GC: variants seen among roughly 807,000 people sequenced by gnomAD.
GC encodes GC vitamin D binding protein.
In GC, 43 loss-of-function variants were observed where a neutral mutation model predicts 56.7. The observed-to-expected ratio is 0.76, with a 90% confidence interval of 0.59 to 0.98. The LOEUF is 0.98. GC is among the 50% of genes least tolerant of loss of function. The pLI, the probability that GC is intolerant of heterozygous loss-of-function variation, is 0.00. For synonymous variants in GC, 216 were observed against 202.7 expected (o/e 1.07, Z -0.56); for missense variants, 529 against 545.9 (o/e 0.97, Z 0.31).
intron 3 of GC, 81 bp downstream of exon 3, chr4:71,768,219 AT>A (rs1165432153): frequency 9.0e-6 from 11 of 1,216,438 alleles, no homozygotes; most frequent in South Asian, 1.8e-5. Context: ...GCTGTCTAAA[AT>A]TTTTTCAACA....
chr4:71,749,832 T>C (rs1016380019), intron 11 of GC, among the ~76,000 whole-genome samples: 1 of 152,188 alleles, frequency 6.6e-6, no homozygotes, highest in Non-Finnish European at 1.5e-5. Flanking sequence ...GAAAAGGCTT[T>C]TATTCTACCG....
intron 6 of GC, among the ~76,000 whole-genome samples, chr4:71,759,168 G>A (rs1741884484): frequency 6.6e-6 from 1 of 151,526 alleles, no homozygotes; most frequent in Non-Finnish European, 1.5e-5. Flanking sequence ...ATACCACATT[G>A]TCTTCATCCA....
upstream of GC, among the ~76,000 whole-genome samples, chr4:71,786,816 C>A (rs1742850114): frequency 6.6e-6 from 1 of 151,870 alleles, no homozygotes; most frequent in Non-Finnish European, 1.5e-5. Flanking sequence ...TCTTGCAGTA[C>A]TCCTGTAGAA....
intron 1 of GC, among the ~76,000 whole-genome samples, chr4:71,793,060 G>A (rs1743010735): frequency 6.6e-6 from 1 of 152,140 alleles, no homozygotes; most frequent in Admixed American, 6.5e-5. Flanking sequence ...TTTGGTTACT[G>A]TAGCCTTGTA....
intron 1 of GC, among the ~76,000 whole-genome samples, chr4:71,795,200 T>C (rs540430367): frequency 1.4e-4 from 22 of 152,340 alleles, no homozygotes; most frequent in African/African-American, 3.8e-4. Context: ...TGAGTTCAAG[T>C]CCTGAATATC....
intron 8 of GC, among the ~76,000 whole-genome samples, chr4:71,756,257 G>A (rs981253084): frequency 1.1e-4 from 17 of 152,162 alleles, no homozygotes; most frequent in African/African-American, 3.9e-4. Flanking sequence ...ATTTCTGGTT[G>A]CATGATATAT....
intron 4 of GC, among the ~76,000 whole-genome samples, chr4:71,764,342 A>G (rs1742090867): frequency 6.6e-6 from 1 of 152,174 alleles, no homozygotes; most frequent in Non-Finnish European, 1.5e-5. Context: ...ACATTAATTT[A>G]TAGTTTTAAT....
At chr4:71,785,826 TA>T (rs773690459), upstream of GC, 3 of 151,818 alleles carry the variant, frequency 2.0e-5, no homozygotes, top group Non-Finnish European at 4.4e-5. Flanking sequence ...GTTTAAAAAC[TA>T]CTCAGAACCC....
intron 6 of GC, among the ~76,000 whole-genome samples, chr4:71,762,720 C>T (rs112812118): frequency 2.4e-4 from 37 of 152,216 alleles, no homozygotes; most frequent in African/African-American, 8.7e-4. Context: ...GAGATCTGAT[C>T]GTTTTAAAAA....
intron 11 of GC, among the ~76,000 whole-genome samples, chr4:71,746,482 A>G (rs1290029355): frequency 6.6e-6 from 1 of 151,928 alleles, no homozygotes; most frequent in Non-Finnish European, 1.5e-5. Flanking sequence ...TGCAAACAGA[A>G]TGTTGTGGGA....
chr4:71,766,491 A>G (rs116235837), intron 3 of GC, among the ~76,000 whole-genome samples: 1,879 of 152,258 alleles, frequency 0.012, 42 homozygotes, highest in African/African-American at 0.043. Context: ...TAGAGTCACC[A>G]TAGAGGAAAA....
At chr4:71,772,401 G>C (rs981912149) in intron 1 of GC, among the ~76,000 whole-genome samples, 11 of 152,230 alleles carry the variant, frequency 7.2e-5, no homozygotes, top group Admixed American at 7.2e-4. Flanking sequence ...TACCCCCGAT[G>C]AACATTTTGA....
Position 71,752,616 on chromosome 4 carries a change from C to G in GC, c.1297G>C (p.Ala433Pro), listed in dbSNP as rs780195916. The G allele has an allele frequency of 4.3e-6, 7 of 1,613,506 alleles. No individual in the cohort carries two copies. Among genetic ancestry groups the G allele is most frequent in the Non-Finnish European group, 5.9e-6 (7 of 1,179,626 alleles). ...AGCTTTGCCAGTTCCGTGGGTGTGG[C>G]ATCAGGCAATTTTGCTTTTAGTCGC... ...AERLKAKLPD[A>P]TPTELAKLVN... is the part of the protein sequence containing the mutation. The change falls in exon 11 of 13, where the codon GCC (alanine) becomes CCC (proline). Residue 433 changes from alanine (A) to proline (P), a missense_variant. Transcript: ENST00000273951.
intron 6 of GC, among the ~76,000 whole-genome samples, chr4:71,761,479 CTGAGGAG>C (rs1369069668): frequency 3.9e-5 from 6 of 152,192 alleles, no homozygotes; most frequent in Non-Finnish European, 7.4e-5. Context: ...AGCCCTTTTT[CTGAGGAG>C]AAATTCAAGC....
intron 4 of GC, 55 bp downstream of exon 4, chr4:71,765,377 G>T: frequency 7.4e-7 from 1 of 1,354,428 alleles, no homozygotes. Flanking sequence ...GGTTAGATTA[G>T]AGTCATTTCT....
intron 1 of GC, among the ~76,000 whole-genome samples, chr4:71,796,005 A>G (rs1450399405): frequency 6.6e-6 from 1 of 152,194 alleles, no homozygotes; most frequent in Non-Finnish European, 1.5e-5. Context: ...TCTGGCTTGT[A>G]GAGTTTCTGC....
intron 1 of GC, among the ~76,000 whole-genome samples, chr4:71,779,312 C>A (rs1742602152): frequency 6.6e-6 from 1 of 151,580 alleles, no homozygotes; most frequent in African/African-American, 2.4e-5. Context: ...AAAAATAAAT[C>A]CAAATAAGGG....
chr4:71,752,904 C>T (rs1741603419), intron 10 of GC, among the ~76,000 whole-genome samples: 1 of 152,134 alleles, frequency 6.6e-6, no homozygotes, highest in Admixed American at 6.5e-5. Context: ...CTTTCATTTG[C>T]TCATTATTTC....
At chr4:71,790,216 A>T (rs1742935122) in intron 1 of GC, among the ~76,000 whole-genome samples, 1 of 152,002 alleles carries the variant, frequency 6.6e-6, no homozygotes, top group African/African-American at 2.4e-5. Context: ...ATTAAAAGTC[A>T]TGTTCTTATT....
Sources: allele counts gnomAD v4.1 joint callset (sites outside exome capture counted in the v4.1 genomes callset), GRCh38; gene constraint gnomAD v4.1.1; transcripts MANE v1.5; gene names NCBI Gene and HGNC (gene_info 2026-07-23, HGNC 2026-07-21).